SV2C: variants seen among roughly 807,000 people sequenced by gnomAD.
SV2C encodes the protein synaptic vesicle glycoprotein 2C.
SV2C carries 49 observed loss-of-function variants against 79.7 expected under a neutral mutation model. The ratio of observed to expected loss-of-function variants is 0.61; its 90% CI spans 0.49 to 0.78. The LOEUF (loss-of-function observed/expected upper bound fraction) is 0.78. SV2C is among the 30% of genes least tolerant of loss of function. The probability of loss-of-function intolerance (pLI) is 0.00; values close to 1 mark genes in which losing one functional copy is unlikely to be tolerated. For missense variants in SV2C, 833 were observed against 912.9 expected, an observed-to-expected ratio of 0.91 and a Z score of 1.13; for synonymous variants, 334 against 333.2, an observed-to-expected ratio of 1.00 and a Z score of -0.03.
At chr5:75,905,539 A>G in the SV2C span, among the ~76,000 whole-genome samples, 1 of 152,184 alleles carries the variant, frequency 6.6e-6, no homozygotes, top group African/African-American at 2.4e-5. Context: ...ACAAGGTAGT[A>G]AGCTTTTAGA....
the SV2C span, among the ~76,000 whole-genome samples, chr5:76,017,166 C>T: frequency 1.3e-5 from 2 of 152,182 alleles, no homozygotes; most frequent in African/African-American, 4.8e-5. Flanking sequence ...GCTTTACCTT[C>T]AGCATTGTTT....
At chr5:75,983,083 A>G in the SV2C span, among the ~76,000 whole-genome samples, 1 of 152,166 alleles carries the variant, frequency 6.6e-6, no homozygotes, top group Non-Finnish European at 1.5e-5. Flanking sequence ...AAGTTTACCT[A>G]TGTAACAAAC....
the SV2C span, among the ~76,000 whole-genome samples, chr5:75,979,583 C>G: frequency 1.3e-5 from 2 of 151,258 alleles, no homozygotes; most frequent in Non-Finnish European, 1.5e-5. Context: ...TCACTTAAAG[C>G]CTTACAATTA....
At chr5:76,308,131 T>C (rs1007964672) in intron 12 of SV2C, among the ~76,000 whole-genome samples, 2 of 152,216 alleles carry the variant, frequency 1.3e-5, no homozygotes, top group African/African-American at 4.8e-5. Context: ...TTATGAGAAT[T>C]TGGATCTTAT....
chr5:76,335,229 GCT>G (rs757619048), downstream of SV2C, among the ~76,000 whole-genome samples: 6 of 152,026 alleles, frequency 3.9e-5, no homozygotes, highest in Non-Finnish European at 8.8e-5. Context: ...CTTGGAACCA[GCT>G]CTCACTTCTT....
At chr5:76,277,652 G>T (rs939312260) in intron 4 of SV2C, among the ~76,000 whole-genome samples, 1 of 151,978 alleles carries the variant, frequency 6.6e-6, no homozygotes, top group African/African-American at 2.4e-5. Flanking sequence ...CGTGGTCCCA[G>T]CCATTTGGGA....
chr5:75,869,845 G>T, the SV2C span, among the ~76,000 whole-genome samples: 3 of 152,178 alleles, frequency 2.0e-5, no homozygotes, highest in Non-Finnish European at 1.5e-5. Context: ...AACATAAGGG[G>T]AGAGAGCAAG....
intron 12 of SV2C, among the ~76,000 whole-genome samples, chr5:76,350,735 G>T (rs185168366): frequency 6.6e-6 from 1 of 152,214 alleles, no homozygotes; most frequent in Admixed American, 6.5e-5. Context: ...TGTAAGATGG[G>T]CTGGGCATGG....
intron 1 of SV2C, among the ~76,000 whole-genome samples, chr5:76,094,599 G>C (rs1747487555): frequency 6.6e-6 from 1 of 151,960 alleles, no homozygotes; most frequent in African/African-American, 2.4e-5. Context: ...TTCCACATTG[G>C]AGCTATTATC....
rs186868502 is a variant in SV2C at position 76,140,198 on chromosome 5, T to G, written c.580+7868T>G. Among the ~76,000 whole-genome samples the G allele has an allele frequency of 3.6e-3, 549 of 152,312 alleles. 8 individuals are homozygous for G. The South Asian group carries it at 0.041, about 11-fold the overall frequency. ...ACTATGTGACAAGCACTATTTGGAC[T>G]CTAGAAATATAATAGTAATAAAACA... is the stretch of plus-strand genomic sequence containing the variant. On this transcript the variant is annotated intron_variant, in intron 2 of 12. Coordinates refer to ENST00000502798, the MANE Select transcript of SV2C (RefSeq NM_014979.4).
chr5:75,878,024 T>C, the SV2C span, among the ~76,000 whole-genome samples: 3 of 151,772 alleles, frequency 2.0e-5, no homozygotes, highest in Admixed American at 2.0e-4. Context: ...CATCTGTAAA[T>C]ATAACAAAAA....
At chr5:76,261,803 G>T (rs142845356) in intron 4 of SV2C, among the ~76,000 whole-genome samples, 53 of 152,254 alleles carry the variant, frequency 3.5e-4, no homozygotes, top group African/African-American at 1.2e-3. Flanking sequence ...CGACTTGATC[G>T]TGATGGATAA....
At chr5:76,132,778 G>T (rs78152055) in intron 2 of SV2C, among the ~76,000 whole-genome samples, 2 of 151,996 alleles carry the variant, frequency 1.3e-5, no homozygotes, top group African/African-American at 4.8e-5. Context: ...CAATTTTTAT[G>T]TGTAATACAG....
chr5:76,089,094 A>G (rs1747290322), intron 1 of SV2C, among the ~76,000 whole-genome samples: 1 of 152,194 alleles, frequency 6.6e-6, no homozygotes, highest in Admixed American at 6.5e-5. Context: ...AACATGTGCC[A>G]TGGTGGTTTG....
intron 6 of SV2C, among the ~76,000 whole-genome samples, chr5:76,289,435 G>C (rs150098966): frequency 1.7e-3 from 255 of 152,210 alleles, no homozygotes; most frequent in African/African-American, 5.9e-3. Flanking sequence ...GTGAGGGGTG[G>C]GGAAAGATGG....
At chr5:76,296,128 TACTTC>T (rs1426853216) in intron 9 of SV2C, 186 bp downstream of exon 9, 1 of 446,310 alleles carries the variant, frequency 2.2e-6, no homozygotes, top group Non-Finnish European at 3.6e-6. Context: ...ATGTATCCAT[TACTTC>T]ACTTAAAACT....
the SV2C span, among the ~76,000 whole-genome samples, chr5:75,999,769 G>T: frequency 6.6e-6 from 1 of 152,042 alleles, no homozygotes; most frequent in South Asian, 2.1e-4. Context: ...CTGGAGGCTG[G>T]GAAGTCCAAG....
the SV2C span, among the ~76,000 whole-genome samples, chr5:75,896,223 C>T: frequency 7.2e-6 from 1 of 139,638 alleles, no homozygotes; most frequent in South Asian, 2.6e-4. Flanking sequence ...CGCCCCCTAC[C>T]CCACAACAGT....
intron 2 of SV2C, among the ~76,000 whole-genome samples, chr5:76,193,110 G>A (rs563475159): frequency 1.3e-5 from 2 of 152,104 alleles, no homozygotes; most frequent in South Asian, 2.1e-4. Context: ...TCTGAATTAC[G>A]AGCTCCTTAA....
Sources: allele counts gnomAD v4.1 joint callset (sites outside exome capture counted in the v4.1 genomes callset), GRCh38; gene constraint gnomAD v4.1.1; transcripts MANE v1.5; gene names NCBI Gene and HGNC (gene_info 2026-07-23, HGNC 2026-07-21).